Variants in SUSD4 observed in about 807,000 individuals in gnomAD.
SUSD4 encodes the protein sushi domain-containing protein 4.
A neutral mutation model predicts 50.5 loss-of-function variants in SUSD4; 41 were observed. The ratio of observed to expected loss-of-function variants is 0.81; its 90% CI spans 0.63 to 1.05. SUSD4 has a LOEUF of 1.05. Among genes scored for constraint, SUSD4 ranks in the 50% least tolerant of loss-of-function variants. SUSD4 has a pLI of 0.00. For missense variants in SUSD4, 580 were observed against 634.7 expected (o/e 0.91, Z 0.93); for synonymous variants, 257 against 257.3 (o/e 1.00, Z 0.01).
intron 2 of SUSD4, among the ~76,000 whole-genome samples, chr1:223,297,455 G>C (rs907564423): frequency 6.6e-6 from 1 of 152,170 alleles, no homozygotes; most frequent in African/African-American, 2.4e-5. Flanking sequence ...GACAGGTGGG[G>C]TTAAGTTGTC....
At chr1:223,360,984 C>T (rs895020814) in intron 2 of SUSD4, among the ~76,000 whole-genome samples, 38 of 152,188 alleles carry the variant, frequency 2.5e-4, no homozygotes, top group African/African-American at 8.9e-4. Context: ...TCAAGCATGG[C>T]TAATCAAAGT....
chr1:223,355,696 G>C (rs17163834), intron 2 of SUSD4, among the ~76,000 whole-genome samples: 9,506 of 152,188 alleles, frequency 0.062, 458 homozygotes, highest in East Asian at 0.2. Flanking sequence ...CACTTCCACG[G>C]TGGTAATTCT....
At chr1:223,359,205 T>C (rs1668831639) in intron 2 of SUSD4, 2 of 460,966 alleles carry the variant, frequency 4.3e-6, no homozygotes, top group South Asian at 3.1e-5. Flanking sequence ...CCCCACTGCC[T>C]GCTGTGTGAC....
At chr1:223,331,474 C>G (rs989607660) in intron 2 of SUSD4, among the ~76,000 whole-genome samples, 1 of 152,184 alleles carries the variant, frequency 6.6e-6, no homozygotes, top group African/African-American at 2.4e-5. Flanking sequence ...CCTGTGTCCC[C>G]CTGTGGTTGG....
Position 223,337,064 on chromosome 1 carries a change from C to T in SUSD4, c.148+26214G>A, listed in dbSNP as rs547093363. ...TTTTCTCCTACTGTACACTGGATAA[C>T]GGTATGAGCTGTATCTCTCACAGGC... On this transcript the variant is annotated intron_variant, in intron 2 of 8. Transcript: ENST00000366878. 2.6e-5 allele frequency among the ~76,000 whole-genome samples: 4 copies of T among 152,282 alleles called. No individual in the cohort carries two copies. The South Asian group carries it at 6.2e-4, about 24-fold the overall frequency.
rs776235805 is a variant in SUSD4 at position 223,227,741 on chromosome 1, GC to G, written c.917-4del. 2.5e-6 allele frequency: 4 copies of G among 1,608,934 alleles called. No homozygotes were observed. Among genetic ancestry groups the G allele is most frequent in the Non-Finnish European group, 2.5e-6 (3 of 1,177,174 alleles). ...ATGGGTGCTGGGCCACGTTTGCTCT[GC>G]ATGAGGGAGAACAAAGCTGTACGTG... On this transcript the variant is annotated splice_polypyrimidine_tract_variant and splice_region_variant and intron_variant, in intron 6 of 8. Transcript: ENST00000366878. The surrounding 1 kb of genome is among the most constrained non-coding windows in gnomAD (Gnocchi z 4.5).
At chr1:223,232,111 T>C (rs542095738) in intron 5 of SUSD4, among the ~76,000 whole-genome samples, 18 of 152,268 alleles carry the variant, frequency 1.2e-4, no homozygotes, top group Non-Finnish European at 2.4e-4. Context: ...ATGTGAAATC[T>C]AAAGAAGTTG....
chr1:223,330,014 G>A (rs1667092239), intron 2 of SUSD4, among the ~76,000 whole-genome samples: 1 of 152,176 alleles, frequency 6.6e-6, no homozygotes, highest in Non-Finnish European at 1.5e-5. Context: ...GGATGGACAG[G>A]TGGATGAATG....
At chr1:223,339,826 C>T (rs920393059) in intron 2 of SUSD4, among the ~76,000 whole-genome samples, 7 of 152,208 alleles carry the variant, frequency 4.6e-5, no homozygotes, top group South Asian at 2.1e-4. Flanking sequence ...GGCCCCGGCT[C>T]CCCCAGGACT....
In SUSD4 at chr1:223,252,228, A is replaced by T. The variant is rs1170669117; in HGVS notation, c.724+12402T>A. 4.0e-4 allele frequency among the ~76,000 whole-genome samples: 45 copies of T among 111,254 alleles called. 1 individual carries two copies. The highest frequency in any genetic ancestry group is 3.1e-4 in the East Asian group (1 of 3,182). 73.0% of individuals were successfully genotyped at this position (111,254 alleles called of 152,430 possible). ...GAACTTAAAGTATAATTAAAAAAAA[A>T]AAAAAAAAATATATATATATATATA... On this transcript the variant is annotated intron_variant, in intron 5 of 8. Coordinates refer to ENST00000366878, the MANE Select transcript of SUSD4 (RefSeq NM_017982.4).
chr1:223,294,331 C>A (rs1664690971), intron 2 of SUSD4, among the ~76,000 whole-genome samples: 1 of 152,190 alleles, frequency 6.6e-6, no homozygotes, highest in African/African-American at 2.4e-5. Flanking sequence ...GGGGCTCTTG[C>A]AAGGTTTACC....
rs530006991 is a variant in SUSD4, at chr1:223,291,701, A to T, written c.361+738T>A. Among the ~76,000 whole-genome samples the T allele has an allele frequency of 3.9e-5, 6 of 152,304 alleles. No homozygotes were observed. In the South Asian group the frequency reaches 1.0e-3, roughly 26 times the overall value. Reference sequence around the variant, plus strand: ...TTCATGGAAATTTGGGACCAGAATTAATTCTTGATTCATGCCTATTCCAAC... The same window carrying T: ...TTCATGGAAATTTGGGACCAGAATTTATTCTTGATTCATGCCTATTCCAAC... On this transcript the variant is annotated intron_variant, in intron 3 of 8. Coordinates refer to ENST00000366878, the MANE Select transcript of SUSD4 (RefSeq NM_017982.4).
chr1:223,304,460 G>A (rs1211751143), intron 2 of SUSD4, among the ~76,000 whole-genome samples: 1 of 152,064 alleles, frequency 6.6e-6, no homozygotes, highest in East Asian at 1.9e-4. Flanking sequence ...GCACCCTTTA[G>A]AAATGAAGTG....
intron 3 of SUSD4, among the ~76,000 whole-genome samples, chr1:223,270,346 G>A (rs1212950205): frequency 6.6e-6 from 1 of 152,136 alleles, no homozygotes; most frequent in Non-Finnish European, 1.5e-5. Context: ...AAAGAGTGCC[G>A]AAAGGAGTTC....
chr1:223,350,929 G>A (rs1056052824), intron 2 of SUSD4, among the ~76,000 whole-genome samples: 1 of 152,100 alleles, frequency 6.6e-6, no homozygotes, highest in African/African-American at 2.4e-5. Flanking sequence ...AAGATAAATC[G>A]GTTGTGGATC....
chr1:223,287,526 A>C (rs1664222418), intron 3 of SUSD4, among the ~76,000 whole-genome samples: 1 of 152,186 alleles, frequency 6.6e-6, no homozygotes, highest in Non-Finnish European at 1.5e-5. Flanking sequence ...AGTTCATTTT[A>C]AAAGCAAGTG....
At chr1:223,328,012 G>A (rs1057171906) in intron 2 of SUSD4, among the ~76,000 whole-genome samples, 4 of 151,900 alleles carry the variant, frequency 2.6e-5, no homozygotes, top group Non-Finnish European at 5.9e-5. Context: ...TATCCACAAA[G>A]GCAACCTTTT....
At chr1:223,327,314 T>A (rs569328076) in intron 2 of SUSD4, among the ~76,000 whole-genome samples, 55 of 152,114 alleles carry the variant, frequency 3.6e-4, no homozygotes, top group Non-Finnish European at 6.3e-4. Flanking sequence ...TATAATGGAC[T>A]TTGGAGACTC....
intron 3 of SUSD4, among the ~76,000 whole-genome samples, chr1:223,274,620 T>C (rs1663137844): frequency 6.6e-6 from 1 of 152,238 alleles, no homozygotes; most frequent in Admixed American, 6.5e-5. Context: ...GTGCATAGAT[T>C]GGAATATTTT....
Sources: allele counts gnomAD v4.1 joint callset (sites outside exome capture counted in the v4.1 genomes callset), GRCh38; gene constraint gnomAD v4.1.1; non-coding constraint Gnocchi (gnomAD v3.1); transcripts MANE v1.5; gene names NCBI Gene and HGNC (gene_info 2026-07-23, HGNC 2026-07-21).